PDCD1LG2: variants seen among roughly 807,000 people sequenced by gnomAD.
PDCD1LG2 encodes B7 dendritic cell molecule.
Under a neutral mutation model 28.2 loss-of-function variants are expected in PDCD1LG2, and 32 were observed. That is an observed-to-expected ratio of 1.13 (90% confidence interval 0.86 to 1.52). PDCD1LG2 has a LOEUF of 1.52. PDCD1LG2 is among the 40% of genes most tolerant of loss of function. The pLI, the probability that PDCD1LG2 is intolerant of heterozygous loss-of-function variation, is 0.00. For synonymous variants in PDCD1LG2, 116 were observed against 120.2 expected (o/e 0.97, Z 0.23); for missense variants, 385 against 323.8 (o/e 1.19, Z -1.45).
chr9:5,557,235 A>G (rs954314772), intron 4 of PDCD1LG2, among the ~76,000 whole-genome samples: 6 of 149,476 alleles, frequency 4.0e-5, no homozygotes, highest in African/African-American at 1.5e-4. Flanking sequence ...AGAAAAAAGA[A>G]AGAAAGATGA....
intron 2 of PDCD1LG2, among the ~76,000 whole-genome samples, chr9:5,530,258 T>C (rs1036413235): frequency 2.6e-5 from 4 of 152,210 alleles, no homozygotes; most frequent in African/African-American, 9.6e-5. Context: ...ACATGAATTT[T>C]TCATGCTTTT....
At chr9:5,514,772 GAAAAA>G (rs60002651) in intron 1 of PDCD1LG2, among the ~76,000 whole-genome samples, 15 of 62,382 alleles carry the variant, frequency 2.4e-4, no homozygotes, top group African/African-American at 8.0e-4. Flanking sequence ...AGTCTCTAAA[GAAAAA>G]AAAAAAAAAA....
intron 5 of PDCD1LG2, among the ~76,000 whole-genome samples, chr9:5,560,506 T>G (rs1338697875): frequency 1.3e-5 from 2 of 152,132 alleles, no homozygotes; most frequent in Non-Finnish European, 2.9e-5. Flanking sequence ...GTTCTTATGG[T>G]TCCCCAACAC....
At chr9:5,518,100 G>C (rs1182451914) in intron 1 of PDCD1LG2, among the ~76,000 whole-genome samples, 2 of 152,138 alleles carry the variant, frequency 1.3e-5, no homozygotes, top group African/African-American at 4.8e-5. Flanking sequence ...GCTTAAGGTG[G>C]GTGTTGCTAC....
At chr9:5,557,527 C>G (rs568007978) in intron 4 of PDCD1LG2, 91 bp from the exon 5 acceptor site, 1 of 1,434,478 alleles carries the variant, frequency 7.0e-7, no homozygotes, top group Non-Finnish European at 9.7e-7. Context: ...CAGAGCTAGC[C>G]GTGTTGGCTG....
At chr9:5,516,220 T>C (rs1005860374) in intron 1 of PDCD1LG2, among the ~76,000 whole-genome samples, 6 of 151,998 alleles carry the variant, frequency 3.9e-5, no homozygotes, top group Non-Finnish European at 7.4e-5. Context: ...TCCAGCTAAT[T>C]TTTTGTATTT....
chr9:5,548,056 T>G (rs532007053), intron 3 of PDCD1LG2, among the ~76,000 whole-genome samples: 1 of 151,904 alleles, frequency 6.6e-6, no homozygotes, highest in South Asian at 2.1e-4. Flanking sequence ...ATGTAAAAAA[T>G]TCATGCTTTT....
intron 3 of PDCD1LG2, among the ~76,000 whole-genome samples, chr9:5,543,986 A>G (rs1820744676): frequency 6.6e-6 from 1 of 152,210 alleles, no homozygotes; most frequent in African/African-American, 2.4e-5. Flanking sequence ...GATTACTAGA[A>G]ACTTGCATAG....
At chr9:5,522,711 C>A in intron 2 of PDCD1LG2, 110 bp downstream of exon 2, 2 of 898,392 alleles carry the variant, frequency 2.2e-6, no homozygotes, top group Non-Finnish European at 1.7e-6. Context: ...TTTGAGAGGA[C>A]GTATGATTTC....
chr9:5,554,552 G>A (rs1457337172), intron 4 of PDCD1LG2, among the ~76,000 whole-genome samples: 1 of 152,224 alleles, frequency 6.6e-6, no homozygotes, highest in Non-Finnish European at 1.5e-5. Context: ...AGTATGGTGG[G>A]TGGAGGGTAC....
intron 3 of PDCD1LG2, among the ~76,000 whole-genome samples, chr9:5,545,654 G>C (rs1204518403): frequency 2.6e-5 from 4 of 152,160 alleles, no homozygotes; most frequent in Non-Finnish European, 5.9e-5. Context: ...GCAGACTTAG[G>C]AGAACCAGTC....
intron 3 of PDCD1LG2, among the ~76,000 whole-genome samples, chr9:5,540,231 A>G (rs921990813): frequency 4.6e-5 from 7 of 152,208 alleles, no homozygotes; most frequent in African/African-American, 1.7e-4. Context: ...GATACAGCAA[A>G]AGCAGTGCTA....
At chr9:5,526,328 CT>C (rs1435729059) in intron 2 of PDCD1LG2, among the ~76,000 whole-genome samples, 1 of 152,166 alleles carries the variant, frequency 6.6e-6, no homozygotes, top group East Asian at 1.9e-4. Context: ...TTAAGAAGAA[CT>C]TTGTCAGCTC....
rs1354456697 is a variant in PDCD1LG2, at chr9:5,563,185, A to C, written c.790A>C (p.Thr264Pro). Residue 264 changes from threonine (T) to proline (P), a missense_variant, in exon 6 of 7, where the codon ACA becomes CCA. By Grantham distance (38) the Thr-to-Pro change is conservative. Transcript: ENST00000397747. ...AGACACAACAAAAAGACCTGTCACC[A>C]CAACAAAGAGGGAAGTGAACAGTGC... is the stretch of plus-strand genomic sequence containing the variant. ...SKDTTKRPVT[T>P]TKREVNSAI 6.2e-7 allele frequency: 1 copy of C among 1,612,810 alleles called. No homozygotes were observed. Among genetic ancestry groups the C allele is most frequent in the African/African-American group, 1.3e-5 (1 of 75,016 alleles).
chr9:5,514,932 G>C lies in PDCD1LG2; in HGVS notation c.-15+4129G>C, dbSNP rs560019169. Reference sequence around the variant, plus strand: ...TTATGAAGGAGGTAGCCCTGAGTGAGTCTTAAAAAATGGGTAGACTTTTAC... The same window carrying C: ...TTATGAAGGAGGTAGCCCTGAGTGACTCTTAAAAAATGGGTAGACTTTTAC... On this transcript the variant is annotated intron_variant, in intron 1 of 6. Coordinates refer to ENST00000397747, the MANE Select transcript of PDCD1LG2 (RefSeq NM_025239.4). 2.0e-5 allele frequency among the ~76,000 whole-genome samples: 3 copies of C among 152,130 alleles called. No individual in the cohort carries two copies. In the East Asian group the frequency reaches 5.8e-4, roughly 29 times the overall value.
intron 2 of PDCD1LG2, among the ~76,000 whole-genome samples, chr9:5,529,837 G>C (rs1385839401): frequency 1.3e-5 from 2 of 152,134 alleles, no homozygotes; most frequent in Admixed American, 6.5e-5. Flanking sequence ...AATCAGGTTG[G>C]GGAAAGGATT....
intron 4 of PDCD1LG2, 112 bp downstream of exon 4, chr9:5,549,716 T>G: frequency 7.6e-7 from 1 of 1,316,212 alleles, no homozygotes; most frequent in South Asian, 1.4e-5. Flanking sequence ...TACAAAGGTG[T>G]GATCACCATT....
At chr9:5,520,057 C>T (rs543976769) in intron 1 of PDCD1LG2, among the ~76,000 whole-genome samples, 11 of 152,240 alleles carry the variant, frequency 7.2e-5, no homozygotes, top group African/African-American at 1.7e-4. Flanking sequence ...TTCCAGCTTC[C>T]TTTGTCTGCA....
chr9:5,546,743 C>T (rs1216023740), intron 3 of PDCD1LG2, among the ~76,000 whole-genome samples: 1 of 152,184 alleles, frequency 6.6e-6, no homozygotes, highest in Non-Finnish European at 1.5e-5. Flanking sequence ...GAATTTTACC[C>T]ACCTCATAGG....
Sources: allele counts gnomAD v4.1 joint callset (sites outside exome capture counted in the v4.1 genomes callset), GRCh38; gene constraint gnomAD v4.1.1; transcripts MANE v1.5; gene names NCBI Gene and HGNC (gene_info 2026-07-23, HGNC 2026-07-21).